Variants in DAB1 observed in about 807,000 individuals in gnomAD.
DAB1 encodes DAB adaptor protein 1, also known as disabled homolog 1.
Under a neutral mutation model 64.6 loss-of-function variants are expected in DAB1, and 15 were observed. That is an observed-to-expected ratio of 0.23 (90% confidence interval 0.16 to 0.36). DAB1 has a LOEUF of 0.36. Ranked by LOEUF, DAB1 falls within the 10% of genes least tolerant of loss-of-function variation. The probability of loss-of-function intolerance (pLI) is 1.00; values close to 1 mark genes in which losing one functional copy is unlikely to be tolerated. For synonymous variants in DAB1, 235 were observed against 251.9 expected, an observed-to-expected ratio of 0.93 and a Z score of 0.64; for missense variants, 596 against 706.7, an observed-to-expected ratio of 0.84 and a Z score of 1.78.
chr1:57,775,549 T>C (rs1205001835), intron 6 of DAB1, among the ~76,000 whole-genome samples: 3 of 150,822 alleles, frequency 2.0e-5, no homozygotes, highest in East Asian at 2.0e-4. Context: ...TTTCTAGATA[T>C]TGAAAAAAAA....
intron 3 of DAB1, among the ~76,000 whole-genome samples, chr1:58,350,651 GGTAC>G (rs1368322825): frequency 5.3e-5 from 8 of 152,074 alleles, no homozygotes; most frequent in Non-Finnish European, 2.9e-5. Flanking sequence ...TGTAAGAAGG[GGTAC>G]AGTTTCTGTT....
chr1:58,368,535 C>A (rs1379329220), intron 3 of DAB1, among the ~76,000 whole-genome samples: 1 of 139,312 alleles, frequency 7.2e-6, no homozygotes, highest in Non-Finnish European at 1.5e-5. Context: ...CCCATTAGCC[C>A]TTCTGTTAGA....
chr1:57,471,186 G>A (rs1687121624), intron 7 of DAB1, among the ~76,000 whole-genome samples: 1 of 152,082 alleles, frequency 6.6e-6, no homozygotes, highest in African/African-American at 2.4e-5. Context: ...TCTAAACAAA[G>A]ATCAGCAAGA....
intron 7 of DAB1, among the ~76,000 whole-genome samples, chr1:57,615,612 G>C (rs1343100818): frequency 6.6e-6 from 1 of 152,176 alleles, no homozygotes; most frequent in Non-Finnish European, 1.5e-5. Context: ...GGAAATGTTT[G>C]TAGCTAGGTG....
intron 5 of DAB1, among the ~76,000 whole-genome samples, chr1:58,077,647 G>A (rs2100585877): frequency 6.6e-6 from 1 of 152,316 alleles, no homozygotes; most frequent in Admixed American, 6.5e-5. Flanking sequence ...GCTCTCCAAA[G>A]ATCAATGGGT....
At chr1:58,158,274 T>C (rs1006185121) in intron 4 of DAB1, among the ~76,000 whole-genome samples, 1 of 152,154 alleles carries the variant, frequency 6.6e-6, no homozygotes, top group Non-Finnish European at 1.5e-5. Context: ...CTTATCCAAA[T>C]GTAATGGATT....
intron 7 of DAB1, among the ~76,000 whole-genome samples, chr1:57,574,428 A>G (rs984832055): frequency 6.6e-6 from 1 of 152,146 alleles, no homozygotes; most frequent in Non-Finnish European, 1.5e-5. Context: ...GCCAAGAACT[A>G]TGTGCTGTTC....
rs144145186 is a variant in DAB1 at position 58,104,433 on chromosome 1, C to G, written n.387+46078G>C. On this transcript the variant is annotated intron_variant and non_coding_transcript_variant, in intron 5 of 20. Coordinates refer to the DAB1 transcript ENST00000485760. ...CTGGTGAAAACTGCCAGTGTGGGCA[C>G]TGTGGATACTGCTGGATCCAGAAAA... Among the ~76,000 whole-genome samples, 113 of 152,324 alleles carry G rather than the reference C, an allele frequency of 7.4e-4. 2 individuals are homozygous for G. In the East Asian group the frequency reaches 0.014, roughly 19 times the overall value.
chr1:57,393,253 C>A (rs1682533835), intron 1 of DAB1, among the ~76,000 whole-genome samples: 1 of 152,132 alleles, frequency 6.6e-6, no homozygotes, highest in South Asian at 2.1e-4. Context: ...TAGAGTAATG[C>A]CAGATCACTG....
chr1:57,625,232 C>T (rs1645908271), intron 7 of DAB1, among the ~76,000 whole-genome samples: 1 of 152,054 alleles, frequency 6.6e-6, no homozygotes, highest in South Asian at 2.1e-4. Context: ...TCTTTCCTCC[C>T]TCCTTTTCCC....
At chr1:57,566,307 C>A (rs981675990) in intron 7 of DAB1, among the ~76,000 whole-genome samples, 5 of 152,068 alleles carry the variant, frequency 3.3e-5, no homozygotes, top group African/African-American at 1.2e-4. Context: ...GCACTAAATG[C>A]CCAAAAGAGA....
At chr1:58,111,181 C>G (rs1042475408) in intron 5 of DAB1, among the ~76,000 whole-genome samples, 2 of 152,174 alleles carry the variant, frequency 1.3e-5, no homozygotes, top group African/African-American at 4.8e-5. Flanking sequence ...TGTCTGAAGT[C>G]AAGAGAAGCT....
chr1:58,403,370 T>C lies in DAB1; in HGVS notation n.258-59967A>G, dbSNP rs74224463. 2.3e-4 allele frequency among the ~76,000 whole-genome samples: 35 copies of C among 150,594 alleles called. No homozygotes were observed. The East Asian group carries it at 3.7e-3, about 16-fold the overall frequency. On this transcript the variant is annotated intron_variant and non_coding_transcript_variant, in intron 3 of 20. Transcript: ENST00000485760. ...ATAATTAAGACAATAAAAAAGAAAA[T>C]AAAGTAAGTATAATTTATAGAGTGC...
intron 5 of DAB1, among the ~76,000 whole-genome samples, chr1:57,891,336 A>G (rs1644310707): frequency 6.6e-6 from 1 of 152,224 alleles, no homozygotes; most frequent in Non-Finnish European, 1.5e-5. Context: ...TAGAATGGCA[A>G]TCATTAATAG....
intron 4 of DAB1, among the ~76,000 whole-genome samples, chr1:58,240,926 TAAACTG>T (rs1660263929): frequency 6.6e-6 from 1 of 152,136 alleles, no homozygotes; most frequent in African/African-American, 2.4e-5. Context: ...TAAAGGCAGA[TAAACTG>T]ATATTACCAA....
intron 4 of DAB1, among the ~76,000 whole-genome samples, chr1:58,180,657 C>T (rs1656743600): frequency 6.6e-6 from 1 of 152,004 alleles, no homozygotes; most frequent in South Asian, 2.1e-4. Context: ...CTTAGCTGGA[C>T]CCCACAAATT....
chr1:58,254,547 C>A (rs1660882673), intron 4 of DAB1, among the ~76,000 whole-genome samples: 1 of 97,520 alleles, frequency 1.0e-5, no homozygotes, highest in African/African-American at 4.3e-5. Flanking sequence ...TCCCCCCTCC[C>A]CCCACCCCAC....
At chr1:58,115,988 A>T (rs1317008659) in intron 5 of DAB1, among the ~76,000 whole-genome samples, 7 of 78,118 alleles carry the variant, frequency 9.0e-5, no homozygotes, top group Admixed American at 2.4e-4. Context: ...TAGAGTATAA[A>T]AAAAAAAAAA....
At chr1:57,504,531 A>T in intron 7 of DAB1, among the ~76,000 whole-genome samples, 1 of 152,226 alleles carries the variant, frequency 6.6e-6, no homozygotes, top group East Asian at 1.9e-4. Flanking sequence ...TTGAGTCCAT[A>T]CTGATATACA....
Sources: allele counts gnomAD v4.1 joint callset (sites outside exome capture counted in the v4.1 genomes callset), GRCh38; gene constraint gnomAD v4.1.1; transcripts MANE v1.5; gene names NCBI Gene and HGNC (gene_info 2026-07-23, HGNC 2026-07-21).